MTCL1: variants seen among roughly 807,000 people sequenced by gnomAD.
MTCL1 encodes microtubule crosslinking factor 1.
A neutral mutation model predicts 141.4 loss-of-function variants in MTCL1; 79 were observed. That is an observed-to-expected ratio of 0.56 (90% CI 0.47 to 0.67). The LOEUF (loss-of-function observed/expected upper bound fraction) is 0.67, where lower values mean the gene tolerates loss of function less well. Among genes scored for constraint, MTCL1 ranks in the 30% least tolerant of loss-of-function variants. The pLI is 0.00. For synonymous variants in MTCL1, 914 were observed against 875.8 expected (o/e 1.04, Z -0.77); for missense variants, 2,177 against 2,113.9 (o/e 1.03, Z -0.59).
At position 8,792,995 on chromosome 18, in the gene MTCL1, C is replaced by A. The variant is rs1014937740; in HGVS notation, c.1888-3C>A. 1 of 1,613,584 alleles carries A rather than the reference C, an allele frequency of 6.2e-7. No individual in the cohort carries two copies. The highest frequency in any genetic ancestry group is 1.1e-5 in the South Asian group (1 of 91,034). On this transcript the variant is annotated splice_polypyrimidine_tract_variant and splice_region_variant and intron_variant, in intron 7 of 16. Transcript: ENST00000359865. ...AAACCCCTTCCTTTATCCCACCGAT[C>A]AGCTCAGGGGCCCCCCCGTTTTACC...
At chr18:8,829,404 G>T in intron 16 of MTCL1, 1 of 984,992 alleles carries the variant, frequency 1.0e-6, no homozygotes, top group Non-Finnish European at 1.2e-6. Context: ...ATGTGATAAG[G>T]CTTTTGTTTT....
At chr18:8,774,445 CT>C in intron 4 of MTCL1, among the ~76,000 whole-genome samples, 1 of 151,240 alleles carries the variant, frequency 6.6e-6, no homozygotes, top group Non-Finnish European at 1.5e-5. Context: ...AATTTCTGGT[CT>C]TTCTTTCTTT....
At chr18:8,717,965 A>G (rs1489412557) in intron 2 of MTCL1, 1 of 1,001,200 alleles carries the variant, frequency 1.0e-6, no homozygotes, top group Non-Finnish European at 1.2e-6. Context: ...ATTTGCAGGT[A>G]TGTTTTAGTT....
intron 14 of MTCL1, 52 bp downstream of exon 13, chr18:8,821,550 C>A: frequency 9.0e-7 from 1 of 1,108,202 alleles, no homozygotes; most frequent in South Asian, 1.5e-5. Context: ...ATGTCTTGGT[C>A]TTAAAATGTT....
rs142560929 is a variant in MTCL1, at chr18:8,830,847, G to A, written c.*19-760G>A. 257 of 985,442 alleles carry A rather than the reference G, an allele frequency of 2.6e-4. No homozygotes were observed. The African/African-American group carries it at 4.3e-3, about 16-fold the overall frequency. 61.0% of individuals were successfully genotyped at this position (985,442 alleles called of 1,614,324 possible). On this transcript the variant is annotated intron_variant, in intron 16 of 16. Transcript: ENST00000359865. This position sits in a 1 kb window ranked among gnomAD's most constrained non-coding sequence, Gnocchi z 6.4. ...GAGCTCAACATTCTTTAAAAACAAAGTAGCTTGAGAATAAGGATTCTAGGT... is the reference window on the plus strand; with the variant it reads ...GAGCTCAACATTCTTTAAAAACAAAATAGCTTGAGAATAAGGATTCTAGGT...
chr18:8,793,005 G>A (rs770336713), exon 8 of MTCL1: 1 of 1,613,552 alleles, frequency 6.2e-7, no homozygotes, highest in South Asian at 1.1e-5. Context: ...CAGCTCAGGG[G>A]CCCCCCCGTT....
At chr18:8,791,674 T>A (rs1004871418) in intron 7 of MTCL1, among the ~76,000 whole-genome samples, 4 of 152,078 alleles carry the variant, frequency 2.6e-5, no homozygotes, top group African/African-American at 9.7e-5. Context: ...ATAGACCTTT[T>A]GGAAATGCAA....
intron 4 of MTCL1, among the ~76,000 whole-genome samples, chr18:8,736,295 T>C (rs1462344826): frequency 6.6e-6 from 1 of 152,162 alleles, no homozygotes; most frequent in East Asian, 1.9e-4. Context: ...TAGATGCTCC[T>C]TGACTTATCA....
In MTCL1 at chr18:8,829,372, G is replaced by A. The variant is rs146914773; in HGVS notation, c.*18+408G>A. On this transcript the variant is annotated intron_variant, in intron 16 of 16. Coordinates refer to ENST00000359865, the Ensembl canonical transcript of MTCL1. ...TTTGGTTATACGTGCACTGGCATGT[G>A]CTGAAATGAGGTGTGACCCTAATGT... 6.9e-5 allele frequency: 68 copies of A among 985,390 alleles called. No individual in the cohort carries two copies. The African/African-American group carries it at 1.1e-3, about 16-fold the overall frequency. The allele number at this position is 985,390 out of a possible 1,614,324, so 61.0% of individuals were successfully genotyped here.
intron 13 of MTCL1, among the ~76,000 whole-genome samples, chr18:8,821,083 A>ACTCTCT (rs143749385): frequency 6.7e-6 from 1 of 149,142 alleles, no homozygotes; most frequent in South Asian, 2.2e-4. Flanking sequence ...ACACATGCAC[A>ACTCTCT]CTCTCTCTCT....
intron 4 of MTCL1, among the ~76,000 whole-genome samples, chr18:8,760,721 T>C (rs1395688555): frequency 6.6e-6 from 1 of 152,220 alleles, no homozygotes; most frequent in African/African-American, 2.4e-5. Context: ...CATGTGTGTA[T>C]GTGTGCATTT....
exon 1 of MTCL1, chr18:8,706,023 C>T: frequency 2.6e-6 from 3 of 1,173,836 alleles, no homozygotes; most frequent in East Asian, 3.8e-5. Flanking sequence ...GAGCGGCGGG[C>T]GGTGCCAAGG....
intron 4 of MTCL1, among the ~76,000 whole-genome samples, chr18:8,765,975 A>G (rs1318481424): frequency 1.3e-5 from 2 of 152,318 alleles, no homozygotes; most frequent in East Asian, 3.9e-4. Context: ...AGGAGGAGCC[A>G]TCCCGACACA....
upstream of MTCL1, among the ~76,000 whole-genome samples, chr18:8,713,095 A>G (rs537335886): frequency 6.6e-6 from 1 of 152,282 alleles, no homozygotes; most frequent in Admixed American, 6.5e-5. Context: ...ATCTTGGTTT[A>G]CTCTAGTGCA....
At chr18:8,767,321 T>C (rs2096464070) in intron 4 of MTCL1, among the ~76,000 whole-genome samples, 1 of 152,154 alleles carries the variant, frequency 6.6e-6, no homozygotes, top group East Asian at 1.9e-4. Context: ...CAGCACAGTT[T>C]AGTAGATGAT....
exon 6 of MTCL1, chr18:8,784,653 C>T (rs1216060693): frequency 1.3e-5 from 21 of 1,613,822 alleles, no homozygotes; most frequent in Middle Eastern, 3.3e-4. Context: ...CTGCTGGGGA[C>T]CATCAACGCC....
intron 4 of MTCL1, among the ~76,000 whole-genome samples, chr18:8,737,677 G>A (rs939578275): frequency 1.3e-5 from 2 of 152,210 alleles, no homozygotes; most frequent in African/African-American, 4.8e-5. Context: ...AACGATGCAG[G>A]CTAAGGATAG....
intron 4 of MTCL1, among the ~76,000 whole-genome samples, chr18:8,737,234 A>T (rs2096278982): frequency 6.6e-6 from 1 of 152,210 alleles, no homozygotes; most frequent in South Asian, 2.1e-4. Flanking sequence ...AAACTAAGAG[A>T]GTAGCTGATG....
At chr18:8,803,175 A>G (rs1419128228) in intron 10 of MTCL1, among the ~76,000 whole-genome samples, 2 of 150,542 alleles carry the variant, frequency 1.3e-5, no homozygotes, top group Admixed American at 1.3e-4. Context: ...AAAAAAAAAG[A>G]AGAAGAAAAA....
Sources: allele counts gnomAD v4.1 joint callset (sites outside exome capture counted in the v4.1 genomes callset), GRCh38; gene constraint gnomAD v4.1.1; non-coding constraint Gnocchi (gnomAD v3.1); transcripts MANE v1.5; gene names NCBI Gene and HGNC (gene_info 2026-07-23, HGNC 2026-07-21).